Variants in TKT observed in about 807,000 individuals in gnomAD.
The protein encoded by TKT is epididymis luminal protein 107.
In TKT, 47 loss-of-function variants were observed where a neutral mutation model predicts 63.9. The observed-to-expected ratio is 0.74, with a 90% CI of 0.58 to 0.94. The LOEUF is 0.94. Among genes scored for constraint, TKT ranks in the 40% least tolerant of loss-of-function variants. The pLI is 0.00. For synonymous variants in TKT, 338 were observed against 334.1 expected, an observed-to-expected ratio of 1.01 and a Z score of -0.13; for missense variants, 721 against 846.2, an observed-to-expected ratio of 0.85 and a Z score of 1.84.
At chr3:53,230,647 C>A in intron 7 of TKT, 26 bp from the exon 8 acceptor site, 1 of 1,613,608 alleles carries the variant, frequency 6.2e-7, no homozygotes. Context: ...TGGGAAGGCT[C>A]TGGACCCCTC....
At chr3:53,240,463 G>A in intron 3 of TKT, 115 bp from the exon 4 acceptor site, 1 of 852,212 alleles carries the variant, frequency 1.2e-6, no homozygotes, top group East Asian at 2.7e-5. Context: ...AGAAGGTCAG[G>A]CCCCAGGATG....
rs782269221 is a variant in TKT, at chr3:53,255,918, G to C, written c.25C>G (p.Gln9Glu). 3 of 1,545,018 alleles carry C rather than the reference G, an allele frequency of 1.9e-6. No individual in the cohort carries two copies. The highest frequency in any genetic ancestry group is 2.6e-6 in the Non-Finnish European group (3 of 1,145,520). MESYHKPDQQKLQALKDTA... is the reference protein window; with the variant it reads MESYHKPDEQKLQALKDTA... ...TCCTTCAAGGCCTGCAGCTTCTGCT[G>C]GTCAGGCTTGTGGTAGCTCTCCATG... is the stretch of plus-strand genomic sequence containing the variant. The change falls in exon 1 of 14, where the codon CAG becomes GAG. Residue 9 changes from glutamine to glutamate, a missense_variant. Gln to Glu is a conservative substitution (Grantham distance 29, BLOSUM62 2). Transcript: ENST00000462138.
intron 1 of TKT, among the ~76,000 whole-genome samples, chr3:53,247,209 T>C (rs1705550845): frequency 6.6e-6 from 1 of 151,096 alleles, no homozygotes. Flanking sequence ...ATACAATAAT[T>C]AGTTGGGCAT....
At chr3:53,250,605 T>C (rs797033362) in intron 1 of TKT, among the ~76,000 whole-genome samples, 22 of 152,116 alleles carry the variant, frequency 1.4e-4, no homozygotes, top group African/African-American at 5.1e-4. Flanking sequence ...ACCTCAACTC[T>C]ACAAAAAATA....
intron 6 of TKT, 40 bp from the exon 7 acceptor site, chr3:53,231,590 CAG>C (rs1704763757): frequency 6.3e-7 from 1 of 1,576,154 alleles, no homozygotes; most frequent in Non-Finnish European, 8.6e-7. Flanking sequence ...ATGGGTAAGA[CAG>C]AAGCTCCCAG....
intron 1 of TKT, among the ~76,000 whole-genome samples, chr3:53,254,684 G>C (rs1453462628): frequency 6.6e-6 from 1 of 152,174 alleles, no homozygotes; most frequent in Non-Finnish European, 1.5e-5. Context: ...CCTCCAAGTA[G>C]AGCACTGGAG....
intron 13 of TKT, 139 bp downstream of exon 13, chr3:53,226,617 G>A (rs1403421547): frequency 1.9e-5 from 24 of 1,278,404 alleles, no homozygotes; most frequent in Admixed American, 6.0e-5. Flanking sequence ...AAGAGACCAC[G>A]TCCCAGCTGC....
chr3:53,253,595 T>C (rs1705852931), intron 1 of TKT, among the ~76,000 whole-genome samples: 1 of 152,136 alleles, frequency 6.6e-6, no homozygotes, highest in Admixed American at 6.5e-5. Context: ...TGAAACCCCA[T>C]CTCTACTAAA....
chr3:53,240,208 C>A (rs1184844639), intron 4 of TKT, 43 bp downstream of exon 4: 17 of 1,589,902 alleles, frequency 1.1e-5, no homozygotes, highest in Non-Finnish European at 1.5e-5. Context: ...AAGGACCACT[C>A]CCCAAAACTA....
rs782625479 is a variant in TKT at position 53,230,583 on chromosome 3, C to T, written c.981G>A (p.Lys327=). 6.2e-7 allele frequency: 1 copy of T among 1,614,240 alleles called. No individual in the cohort carries two copies. Among genetic ancestry groups the T allele is most frequent in the South Asian group, 1.1e-5 (1 of 91,092 alleles). Residue 327 remains lysine, a synonymous_variant, in exon 8 of 14, where the codon AAG becomes AAA. Transcript: ENST00000462138. ...TGATGCGGTCACTGGCATGGCCCAG[C>T]TTGGCCAGTGCCTGCCCGTAGGCCT... ...TRKAYGQALA[K]LGHASDRIIA... is the part of the protein sequence containing the mutation.
Position 53,250,983 on chromosome 3 carries a change from T to A in TKT, c.107+4853A>T, listed in dbSNP as rs142313791. On this transcript the variant is annotated intron_variant, in intron 1 of 13. Coordinates refer to ENST00000462138, the MANE Select transcript of TKT (RefSeq NM_001064.4). ...ATGAGGTCTCACTATGTTGCCCAGT[T>A]TGGTCCTGAACTCCCAGGCTCAAGC... 1.8e-3 allele frequency among the ~76,000 whole-genome samples: 270 copies of A among 152,162 alleles called. 10 individuals are homozygous for A. The East Asian group carries it at 0.045, about 25-fold the overall frequency.
At chr3:53,232,117 C>T (rs1553677274) in intron 6 of TKT, 1 of 379,748 alleles carries the variant, frequency 2.6e-6, no homozygotes, top group African/African-American at 2.1e-5. Context: ...TATCCCTCTC[C>T]CTGGAGGTCA....
In TKT at chr3:53,231,395, G is replaced by C. The variant is rs782819946; in HGVS notation, c.904C>G (p.Arg302Gly). The change falls in exon 7 of 14, where the codon CGC becomes GGC. Residue 302 changes from arginine to glycine, a missense_variant. Arg to Gly is a moderately radical substitution (Grantham distance 125). Coordinates refer to ENST00000462138, the MANE Select transcript of TKT (RefSeq NM_001064.4). ...TTGTAGCTGGGCAGGCTGGGCATGC[G>C]GATGTTGGCAATGTCCACTGAGGGT... Reference protein sequence around the residue: ...DAPSVDIANIRMPSLPSYKVG... With the variant: ...DAPSVDIANIGMPSLPSYKVG... The C allele has an allele frequency of 4.3e-6, 7 of 1,613,814 alleles. No individual in the cohort carries two copies. Among genetic ancestry groups the C allele is most frequent in the Non-Finnish European group, 5.1e-6 (6 of 1,180,026 alleles).
intron 1 of TKT, among the ~76,000 whole-genome samples, chr3:53,245,306 CAAA>C (rs781814492): frequency 0.17 from 15,763 of 91,954 alleles, 1,236 homozygotes; most frequent in African/African-American, 0.29. Flanking sequence ...CACTCCATCT[CAAA>C]AAAAAAAAAA....
intron 4 of TKT, chr3:53,237,914 G>C (rs1705111743): frequency 6.6e-6 from 1 of 152,172 alleles, no homozygotes; most frequent in Non-Finnish European, 1.5e-5. Context: ...GACAGAGCGA[G>C]ACTCCATCTC....
At chr3:53,238,637 T>C (rs1319333669) in intron 4 of TKT, among the ~76,000 whole-genome samples, 3 of 152,200 alleles carry the variant, frequency 2.0e-5, no homozygotes, top group South Asian at 2.1e-4. Flanking sequence ...TCTCACACCC[T>C]GCGGGCTGGC....
intron 1 of TKT, among the ~76,000 whole-genome samples, chr3:53,248,466 C>A (rs1241473505): frequency 6.6e-6 from 1 of 152,138 alleles, no homozygotes; most frequent in African/African-American, 2.4e-5. Context: ...TACCCTGTCT[C>A]TACAAATAAT....
chr3:53,240,989 C>T (rs1705245687), intron 3 of TKT, 143 bp downstream of exon 3: 1 of 683,320 alleles, frequency 1.5e-6, no homozygotes, highest in Non-Finnish European at 2.3e-6. Context: ...AAAACACCTG[C>T]TTCTTTCCTT....
chr3:53,246,617 C>A (rs1553680943), intron 1 of TKT, among the ~76,000 whole-genome samples: 1 of 152,088 alleles, frequency 6.6e-6, no homozygotes, highest in Non-Finnish European at 1.5e-5. Flanking sequence ...CTTTGGGAGG[C>A]CGAGGAGGGC....
Sources: gnomAD v4.1 joint callset for allele counts (sites outside exome capture counted in the v4.1 genomes callset) on GRCh38, gnomAD v4.1.1 for gene constraint, MANE v1.5 for transcripts, NCBI Gene and HGNC (gene_info 2026-07-23, HGNC 2026-07-21) for gene names.